The following CLCN6 variants were observed in gnomAD, a reference collection of about 807,000 sequenced individuals.
CLCN6 encodes H(+)/Cl(-) exchange transporter 6.
CLCN6 carries 70 observed loss-of-function variants against 109.8 expected under a neutral mutation model. The observed-to-expected ratio is 0.64, with a 90% CI of 0.53 to 0.78. The LOEUF (loss-of-function observed/expected upper bound fraction) is 0.78. Among genes scored for constraint, CLCN6 ranks in the 30% least tolerant of loss-of-function variants. The probability of loss-of-function intolerance (pLI) is 0.00; values close to 1 mark genes in which losing one functional copy is unlikely to be tolerated. For synonymous variants in CLCN6, 444 were observed against 447.8 expected, an observed-to-expected ratio of 0.99 and a Z score of 0.11; for missense variants, 984 against 1,142.3, an observed-to-expected ratio of 0.86 and a Z score of 2.00.
intron 13 of CLCN6, among the ~76,000 whole-genome samples, chr1:11,830,737 T>TATAATATATATATATATATATA (rs1359328796): frequency 5.9e-4 from 54 of 91,092 alleles, no homozygotes; most frequent in African/African-American, 2.0e-3. Flanking sequence ...TATGTATATA[T>TATAATATATATATATATATATA]TATATATATA....
chr1:11,807,224 G>C, intron 2 of CLCN6, 34 bp downstream of exon 2: 1 of 1,582,378 alleles, frequency 6.3e-7, no homozygotes, highest in Non-Finnish European at 8.7e-7. Flanking sequence ...GGCAACTAAA[G>C]TAGTGAGTGG....
In CLCN6 at chr1:11,837,056, T is replaced by C. The variant is rs1644959197; in HGVS notation, c.2038T>C (p.Ser680Pro). 6.2e-7 allele frequency: 1 copy of C among 1,613,104 alleles called. No homozygotes were observed. The highest frequency in any genetic ancestry group is 1.3e-5 in the African/African-American group (1 of 74,924). Residue 680 changes from serine to proline, a missense_variant, in exon 19 of 23, where the codon TCC (serine) becomes CCC (proline). Physicochemically the swap from Ser to Pro is moderately conservative, Grantham distance 74. Transcript: ENST00000346436. ...GCGCAAACGGAGCCAGTCCATGAAG[T>C]CCTACCCATCCAGCGAGCTACGGAA... ...EQRKRSQSMK[S>P]YPSSELRNMC... is the part of the protein sequence containing the mutation.
chr1:11,807,813 A>C (rs1204571222), intron 2 of CLCN6, among the ~76,000 whole-genome samples: 1 of 152,202 alleles, frequency 6.6e-6, no homozygotes, highest in East Asian at 1.9e-4. Context: ...ATCTTTCTAC[A>C]TCCTTACCCA....
At chr1:11,835,413 A>G (rs1644931620) in intron 17 of CLCN6, among the ~76,000 whole-genome samples, 1 of 152,188 alleles carries the variant, frequency 6.6e-6, no homozygotes. Flanking sequence ...CTGGGATCAC[A>G]GGCGCGTGCC....
In CLCN6 at chr1:11,840,863, A is replaced by G. The variant is rs1480813839; in HGVS notation, c.*640A>G. 6.4e-6 allele frequency: 1 copy of G among 155,438 alleles called. No homozygotes were observed. The allele number at this position is 155,438 out of a possible 1,614,324, so 9.6% of individuals were successfully genotyped here. On this transcript the variant is annotated 3_prime_UTR_variant, in exon 23 of 23. Coordinates refer to ENST00000346436, the MANE Select transcript of CLCN6 (RefSeq NM_001286.5). ...CTTAGAACCACCGCCCACCAGAAAC[A>G]TAAAGGATTAAAATCACACTAATAA...
At chr1:11,838,221 C>A in intron 20 of CLCN6, 114 bp from the exon 21 acceptor site, 2 of 932,620 alleles carry the variant, frequency 2.1e-6, no homozygotes, top group Admixed American at 2.3e-5. Context: ...TGCTGCACCA[C>A]CTGCCTCAGC....
rs988619298 is a variant in CLCN6, at chr1:11,836,990, C to T, written c.1981-9C>T. ...CATGCGCAGTAGCCTGTGGCCTCCCCACCCACAGAAATCCAGCATCCTCAC... is the reference window on the plus strand; with the variant it reads ...CATGCGCAGTAGCCTGTGGCCTCCCTACCCACAGAAATCCAGCATCCTCAC... On this transcript the variant is annotated splice_polypyrimidine_tract_variant and intron_variant, in intron 18 of 22. Transcript: ENST00000346436. 5.0e-6 allele frequency: 8 copies of T among 1,607,196 alleles called. No individual in the cohort carries two copies. Among genetic ancestry groups the T allele is most frequent in the Non-Finnish European group, 6.8e-6 (8 of 1,179,958 alleles).
chr1:11,839,251 TTTG>T (rs540852875), intron 22 of CLCN6, among the ~76,000 whole-genome samples: 153 of 152,010 alleles, frequency 1.0e-3, no homozygotes, highest in African/African-American at 3.5e-3. Flanking sequence ...CTCTCAGTCT[TTTG>T]TTGTTGTTGC....
chr1:11,832,145 C>T (rs1044098691), intron 13 of CLCN6, among the ~76,000 whole-genome samples: 26 of 152,314 alleles, frequency 1.7e-4, no homozygotes, highest in Middle Eastern at 3.4e-3. Flanking sequence ...GCTAAGGAAG[C>T]TGAGGCACAG....
At chr1:11,812,808 G>A (rs1644619126) in intron 2 of CLCN6, among the ~76,000 whole-genome samples, 1 of 151,874 alleles carries the variant, frequency 6.6e-6, no homozygotes, top group East Asian at 1.9e-4. Flanking sequence ...CACAGGATGA[G>A]GCTCTTCTCT....
chr1:11,819,346 T>A, intron 4 of CLCN6, 142 bp from the exon 5 acceptor site: 1 of 743,872 alleles, frequency 1.3e-6, no homozygotes, highest in African/African-American at 1.7e-5. Context: ...GCTTTTCTGC[T>A]GTGCATTCAC....
intron 13 of CLCN6, among the ~76,000 whole-genome samples, chr1:11,832,037 T>C (rs79811212): frequency 0.044 from 6,644 of 152,328 alleles, 214 homozygotes; most frequent in East Asian, 0.12. Context: ...TTGGTGTCTT[T>C]ATTGTGTACC....
chr1:11,829,518 T>G (rs1644854229), intron 13 of CLCN6, among the ~76,000 whole-genome samples, 196 bp downstream of exon 13: 1 of 151,998 alleles, frequency 6.6e-6, no homozygotes, highest in South Asian at 2.1e-4. Context: ...CCTGTGTCTT[T>G]GCCACTTCTG....
chr1:11,812,852 C>T (rs949623569), intron 2 of CLCN6, among the ~76,000 whole-genome samples: 1 of 152,080 alleles, frequency 6.6e-6, no homozygotes, highest in South Asian at 2.1e-4. Context: ...ACTGGACCTA[C>T]CAGAGAGGAA....
chr1:11,810,772 A>T lies in CLCN6; in HGVS notation c.147+3582A>T, dbSNP rs182750191. 6.7e-3 allele frequency among the ~76,000 whole-genome samples: 994 copies of T among 149,402 alleles called. 14 individuals are homozygous for T. The highest frequency in any genetic ancestry group is 0.023 in the African/African-American group (922 of 40,362). On this transcript the variant is annotated intron_variant, in intron 2 of 22. Coordinates refer to ENST00000346436, the MANE Select transcript of CLCN6 (RefSeq NM_001286.5). Reference sequence around the variant, plus strand: ...AGGGCCAAACTCAACTAATTTATTTAAAAAAAAAAGAAGCGTGGCACAGTG... The same window carrying T: ...AGGGCCAAACTCAACTAATTTATTTTAAAAAAAAAGAAGCGTGGCACAGTG...
rs371540075 is a variant in CLCN6 at position 11,826,224 on chromosome 1, G to C, written c.707+10G>C. 7.5e-6 allele frequency: 12 copies of C among 1,610,570 alleles called. No homozygotes were observed. Among genetic ancestry groups the C allele is most frequent in the Non-Finnish European group, 9.3e-6 (11 of 1,176,766 alleles). On this transcript the variant is annotated intron_variant, in intron 9 of 22. Coordinates refer to ENST00000346436, the MANE Select transcript of CLCN6 (RefSeq NM_001286.5). The stretch of plus-strand genomic sequence containing the variant: ...ATTTCCGAAGCGACAGGTATGGAAA[G>C]GTTAGAAATTGGTTTCTTTTTTGGA...
chr1:11,819,703 C>A, intron 5 of CLCN6, 149 bp downstream of exon 5: 1 of 691,938 alleles, frequency 1.4e-6, no homozygotes, highest in Non-Finnish European at 2.5e-6. Context: ...CACTGAAGGA[C>A]ACAAAAGAAG....
intron 2 of CLCN6, among the ~76,000 whole-genome samples, chr1:11,815,461 T>C (rs993955022): frequency 6.6e-6 from 1 of 152,130 alleles, no homozygotes; most frequent in African/African-American, 2.4e-5. Flanking sequence ...AGTGGTGCGA[T>C]CTCGGCTCAC....
chr1:11,822,914 G>C, intron 6 of CLCN6, 113 bp downstream of exon 6: 3 of 712,142 alleles, frequency 4.2e-6, no homozygotes, highest in Non-Finnish European at 7.4e-6. Flanking sequence ...CCTGCAGAAA[G>C]TGGCCTCTTG....
Sources: gnomAD v4.1 joint callset for allele counts (sites outside exome capture counted in the v4.1 genomes callset) on GRCh38, gnomAD v4.1.1 for gene constraint, MANE v1.5 for transcripts, NCBI Gene and HGNC (gene_info 2026-07-23, HGNC 2026-07-21) for gene names.